Variants in PTPRO observed in about 807,000 individuals in gnomAD.
The protein encoded by PTPRO is receptor-type tyrosine-protein phosphatase O.
In PTPRO, 62 loss-of-function variants were observed where a neutral mutation model predicts 145.2. That is an observed-to-expected ratio of 0.43 (90% CI 0.35 to 0.53). The LOEUF is 0.53. Among genes scored for constraint, PTPRO ranks in the 20% least tolerant of loss-of-function variants. The pLI, the probability that PTPRO is intolerant of heterozygous loss-of-function variation, is 0.01. For missense variants in PTPRO, 1,345 were observed against 1,482.7 expected (o/e 0.91, Z 1.53); for synonymous variants, 565 against 514.7 (o/e 1.10, Z -1.32).
At chr12:15,419,778 C>G (rs1461732575) in intron 1 of PTPRO, among the ~76,000 whole-genome samples, 1 of 150,942 alleles carries the variant, frequency 6.6e-6, no homozygotes, top group Non-Finnish European at 1.5e-5. Context: ...CAACATTAGA[C>G]AGAATTTGTC....
At chr12:15,379,381 AT>A (rs1247641334) in intron 1 of PTPRO, among the ~76,000 whole-genome samples, 1 of 147,472 alleles carries the variant, frequency 6.8e-6, no homozygotes, top group Non-Finnish European at 1.5e-5. Flanking sequence ...AAAAAAAAAA[AT>A]TACCTGGGCA....
chr12:15,544,431 G>T (rs1444587780), intron 12 of PTPRO, among the ~76,000 whole-genome samples: 1 of 150,406 alleles, frequency 6.6e-6, no homozygotes, highest in Non-Finnish European at 1.5e-5. Flanking sequence ...TTTGAACCCG[G>T]GAGGCAGAGG....
intron 1 of PTPRO, among the ~76,000 whole-genome samples, chr12:15,479,677 C>T (rs1379565078): frequency 6.6e-6 from 1 of 152,208 alleles, no homozygotes; most frequent in African/African-American, 2.4e-5. Flanking sequence ...GCAGATTTCT[C>T]TCCCCCAGCA....
intron 1 of PTPRO, among the ~76,000 whole-genome samples, chr12:15,405,616 C>T (rs1371855876): frequency 2.0e-5 from 3 of 152,126 alleles, no homozygotes; most frequent in Admixed American, 6.5e-5. Context: ...AACAATATTA[C>T]TCTTTGCACA....
chr12:15,338,840 G>T (rs1866863714), intron 1 of PTPRO, among the ~76,000 whole-genome samples: 1 of 152,130 alleles, frequency 6.6e-6, no homozygotes, highest in African/African-American at 2.4e-5. Context: ...TTAATGTGAA[G>T]ATGAATACAT....
At chr12:15,543,345 C>G (rs1277748374) in intron 12 of PTPRO, among the ~76,000 whole-genome samples, 1 of 152,164 alleles carries the variant, frequency 6.6e-6, no homozygotes, top group East Asian at 1.9e-4. Flanking sequence ...TCACCTAGAG[C>G]CACATTCTCA....
At chr12:15,554,398 G>C (rs1943560346) in intron 15 of PTPRO, among the ~76,000 whole-genome samples, 2 of 148,978 alleles carry the variant, frequency 1.3e-5, no homozygotes, top group South Asian at 4.2e-4. Context: ...ATTATATATA[G>C]ATATAGTGTG....
intron 15 of PTPRO, among the ~76,000 whole-genome samples, chr12:15,557,096 G>A (rs1253967702): frequency 2.0e-5 from 3 of 149,856 alleles, no homozygotes; most frequent in East Asian, 2.0e-4. Flanking sequence ...GCTGGAGTGC[G>A]GTGGCGCGAT....
intron 19 of PTPRO, among the ~76,000 whole-genome samples, chr12:15,573,649 G>A (rs974431114): frequency 1.2e-4 from 19 of 152,152 alleles, no homozygotes; most frequent in Admixed American, 5.2e-4. Context: ...CACAGGCTTA[G>A]ACTGTATGTT....
intron 10 of PTPRO, among the ~76,000 whole-genome samples, chr12:15,521,036 A>T (rs12314771): frequency 7.2e-5 from 11 of 152,000 alleles, no homozygotes; most frequent in African/African-American, 2.4e-4. Context: ...AGCAATGAAA[A>T]GGGGAAATTC....
At chr12:15,465,768 A>G (rs1373727789) in intron 1 of PTPRO, among the ~76,000 whole-genome samples, 1 of 152,180 alleles carries the variant, frequency 6.6e-6, no homozygotes, top group Non-Finnish European at 1.5e-5. Flanking sequence ...TGGCTATTTA[A>G]TGGGGTTCAT....
intron 1 of PTPRO, among the ~76,000 whole-genome samples, chr12:15,360,934 A>ACATATACACACGTG (rs1491491217): frequency 2.2e-5 from 3 of 138,304 alleles, no homozygotes; most frequent in South Asian, 2.4e-4. Context: ...ATACACACAC[A>ACATATACACACGTG]TATATACACA....
chr12:15,496,966 G>A (rs1386823211), intron 2 of PTPRO, among the ~76,000 whole-genome samples: 2 of 152,116 alleles, frequency 1.3e-5, no homozygotes, highest in Non-Finnish European at 2.9e-5. Context: ...TAGGTGGGAT[G>A]GAGATATTTT....
intron 12 of PTPRO, among the ~76,000 whole-genome samples, chr12:15,527,870 C>T (rs1942873102): frequency 2.0e-5 from 3 of 149,712 alleles, no homozygotes; most frequent in South Asian, 4.2e-4. Context: ...AAACAGGGAA[C>T]TGTGACCCGC....
intron 1 of PTPRO, among the ~76,000 whole-genome samples, chr12:15,467,070 T>G (rs1315265164): frequency 6.6e-6 from 1 of 152,180 alleles, no homozygotes; most frequent in East Asian, 1.9e-4. Context: ...AATATCTACT[T>G]CAGGGAGTTG....
At position 15,494,871 on chromosome 12, in the gene PTPRO, A is replaced by G. The variant is rs528841812; in HGVS notation, c.350-2374A>G. 5.3e-5 allele frequency among the ~76,000 whole-genome samples: 8 copies of G among 152,334 alleles called. No individual in the cohort carries two copies. The South Asian group carries it at 1.7e-3, about 32-fold the overall frequency. On this transcript the variant is annotated intron_variant, in intron 2 of 26. Transcript: ENST00000281171. ...ATGTGAAACAGGACTGCAGCAGTGA[A>G]GGAGTTACTGCTCCGTGGCTACTTT...
chr12:15,551,436 T>C, intron 14 of PTPRO, 115 bp from the exon 15 acceptor site: 1 of 1,317,088 alleles, frequency 7.6e-7, no homozygotes, highest in Non-Finnish European at 1.1e-6. Context: ...ATTGTTACTA[T>C]TATTGGTATC....
At chr12:15,569,545 G>T in intron 19 of PTPRO, 47 bp downstream of exon 19, 1 of 1,501,308 alleles carries the variant, frequency 6.7e-7, no homozygotes, top group South Asian at 1.1e-5. Context: ...GAAAGGGCCT[G>T]GGAATTGGGG....
chr12:15,443,532 G>A (rs562752960), intron 1 of PTPRO, among the ~76,000 whole-genome samples: 18 of 151,910 alleles, frequency 1.2e-4, no homozygotes, highest in Admixed American at 2.6e-4. Context: ...TCTGCACACC[G>A]AAAGAAACTA....
Sources: allele counts gnomAD v4.1 joint callset (sites outside exome capture counted in the v4.1 genomes callset), GRCh38; gene constraint gnomAD v4.1.1; transcripts MANE v1.5; gene names NCBI Gene and HGNC (gene_info 2026-07-23, HGNC 2026-07-21).